The following GRAMD1B variants were observed in gnomAD, a reference collection of about 807,000 sequenced individuals.
The protein encoded by GRAMD1B is GRAM domain containing 1B.
Under a neutral mutation model 99.7 loss-of-function variants are expected in GRAMD1B, and 37 were observed. That is an observed-to-expected ratio of 0.37 (90% CI 0.29 to 0.49). The LOEUF (loss-of-function observed/expected upper bound fraction) is 0.49, where lower values mean the gene tolerates loss of function less well. Ranked by LOEUF, GRAMD1B falls within the 20% of genes least tolerant of loss-of-function variation. GRAMD1B has a pLI of 0.98. For synonymous variants in GRAMD1B, 427 were observed against 387.6 expected (o/e 1.10, Z -1.19); for missense variants, 888 against 1,009.2 (o/e 0.88, Z 1.63).
At chr11:123,482,241 G>A (rs2134859991) in intron 2 of GRAMD1B, among the ~76,000 whole-genome samples, 1 of 152,196 alleles carries the variant, frequency 6.6e-6, no homozygotes, top group East Asian at 1.9e-4. Flanking sequence ...TGGGATTACA[G>A]GCAAGTGCTA....
intron 2 of GRAMD1B, among the ~76,000 whole-genome samples, chr11:123,562,998 C>T (rs954925739): frequency 1.3e-5 from 2 of 152,244 alleles, no homozygotes; most frequent in Admixed American, 1.3e-4. Flanking sequence ...AGTATTACAA[C>T]TCTGTCTGGG....
chr11:123,364,932 T>C (rs762275208), intron 1 of GRAMD1B, among the ~76,000 whole-genome samples: 14 of 152,218 alleles, frequency 9.2e-5, no homozygotes, highest in Non-Finnish European at 1.6e-4. Flanking sequence ...GAGAATGGCA[T>C]GGTTAACCCT....
chr11:123,511,854 C>T lies in GRAMD1B; in HGVS notation c.452+30961C>T, dbSNP rs143675694. Among the ~76,000 whole-genome samples, 339 of 152,344 alleles carry T rather than the reference C, an allele frequency of 2.2e-3. 2 individuals carry two copies. The highest frequency in any genetic ancestry group is 7.9e-3 in the African/African-American group (327 of 41,576). ...GGGAATCATAGAACTTGGTTTTCTG[C>T]TCCTCCCAGCCCTACAGGCTGTGTG... On this transcript the variant is annotated intron_variant, in intron 2 of 19. Transcript: ENST00000635736.
rs943869053 is a variant in GRAMD1B at position 123,610,684 on chromosome 11, T to C, written c.1919+346T>C. On this transcript the variant is annotated intron_variant, in intron 14 of 19. Coordinates refer to ENST00000635736, the MANE Select transcript of GRAMD1B (RefSeq NM_001387025.1). The surrounding 1 kb of genome is among the most constrained non-coding windows in gnomAD (Gnocchi z 4.1). The stretch of plus-strand genomic sequence containing the variant: ...ATTTTTCAGATAAAACTGAGTCTCA[T>C]ATGAGTTCAGGAACTTTGCCAAGAG... Among the ~76,000 whole-genome samples the C allele has an allele frequency of 6.6e-6, 1 of 152,204 alleles. No individual in the cohort carries two copies. Among genetic ancestry groups the C allele is most frequent in the African/African-American group, 2.4e-5 (1 of 41,454 alleles).
intron 2 of GRAMD1B, among the ~76,000 whole-genome samples, chr11:123,548,859 A>G (rs182953973): frequency 2.0e-5 from 3 of 152,308 alleles, no homozygotes; most frequent in African/African-American, 7.2e-5. Flanking sequence ...TCCTCCTGCC[A>G]CGACCTTCCA....
chr11:123,458,008 G>A (rs939785991), intron 1 of GRAMD1B, among the ~76,000 whole-genome samples: 20 of 152,202 alleles, frequency 1.3e-4, no homozygotes, highest in Non-Finnish European at 2.9e-5. Context: ...AAGCCACCAT[G>A]CCTGGCTGCC....
At chr11:123,433,942 T>C (rs3016380) in intron 1 of GRAMD1B, among the ~76,000 whole-genome samples, 23,239 of 151,916 alleles carry the variant, frequency 0.15, 1,882 homozygotes, top group African/African-American at 0.2. Flanking sequence ...GAAGAACCTA[T>C]GTATCAGCCG....
intron 1 of GRAMD1B, among the ~76,000 whole-genome samples, chr11:123,419,918 C>T (rs1230463258): frequency 1.3e-5 from 2 of 152,024 alleles, no homozygotes; most frequent in Non-Finnish European, 1.5e-5. Context: ...GAATGGAACC[C>T]AGTGTCCTTG....
chr11:123,578,880 T>TG (rs1247380806), intron 3 of GRAMD1B, among the ~76,000 whole-genome samples: 1 of 152,116 alleles, frequency 6.6e-6, no homozygotes, highest in Non-Finnish European at 1.5e-5. Context: ...CTGCGCTGAC[T>TG]GGGGGGCAGG....
At chr11:123,451,189 G>A (rs577421429) in intron 1 of GRAMD1B, among the ~76,000 whole-genome samples, 3 of 152,148 alleles carry the variant, frequency 2.0e-5, no homozygotes, top group Non-Finnish European at 4.4e-5. Context: ...CCAGGCCATG[G>A]GCTCTCCCAC....
At chr11:123,386,935 C>T (rs1439097935) in intron 1 of GRAMD1B, among the ~76,000 whole-genome samples, 2 of 152,188 alleles carry the variant, frequency 1.3e-5, no homozygotes, top group Non-Finnish European at 2.9e-5. Flanking sequence ...TGACATCAGC[C>T]TCTGTCTTCA....
intron 1 of GRAMD1B, among the ~76,000 whole-genome samples, chr11:123,424,228 G>C (rs1466591641): frequency 1.3e-5 from 2 of 148,446 alleles, no homozygotes; most frequent in Non-Finnish European, 3.0e-5. Flanking sequence ...CTCAAATACA[G>C]GTTAGTAATG....
At chr11:123,539,733 A>G (rs1944319084) in intron 2 of GRAMD1B, among the ~76,000 whole-genome samples, 1 of 152,144 alleles carries the variant, frequency 6.6e-6, no homozygotes, top group Non-Finnish European at 1.5e-5. Flanking sequence ...CTCATCACTC[A>G]GTCCATTCTC....
intron 2 of GRAMD1B, among the ~76,000 whole-genome samples, chr11:123,486,735 A>C (rs1937842706): frequency 6.6e-6 from 1 of 152,234 alleles, no homozygotes; most frequent in Non-Finnish European, 1.5e-5. Context: ...AATATAATGT[A>C]ATAAATGACT....
At chr11:123,568,647 C>T (rs1947688578) in intron 2 of GRAMD1B, among the ~76,000 whole-genome samples, 1 of 152,202 alleles carries the variant, frequency 6.6e-6, no homozygotes, top group African/African-American at 2.4e-5. Flanking sequence ...AGCCCTTTCC[C>T]TTTCTGTCCC....
intron 2 of GRAMD1B, among the ~76,000 whole-genome samples, chr11:123,529,858 G>A (rs1234311697): frequency 6.6e-6 from 1 of 152,124 alleles, no homozygotes; most frequent in Non-Finnish European, 1.5e-5. Context: ...AGTGACATCT[G>A]TCTGAATTCC....
At chr11:123,477,981 T>G (rs560303746) in intron 1 of GRAMD1B, among the ~76,000 whole-genome samples, 10 of 152,056 alleles carry the variant, frequency 6.6e-5, no homozygotes, top group Non-Finnish European at 1.0e-4. Context: ...TTAGTAGAGA[T>G]GAGGTTTCAC....
chr11:123,524,081 C>T (rs1162527204), intron 2 of GRAMD1B, among the ~76,000 whole-genome samples: 5 of 152,070 alleles, frequency 3.3e-5, no homozygotes, highest in Admixed American at 3.3e-4. Flanking sequence ...TTCTGGACCA[C>T]GTGGACATTG....
In GRAMD1B at chr11:123,456,933, A is replaced by G. The variant is rs1031672231; in HGVS notation, c.375-23883A>G. On this transcript the variant is annotated intron_variant, in intron 1 of 19. Coordinates refer to ENST00000635736, the MANE Select transcript of GRAMD1B (RefSeq NM_001387025.1). ...AGACTCTGTCTCAAAAAAAAAAAAA[A>G]AAAAGAAAAAGAAAAGAAAGAAAGA... Among the ~76,000 whole-genome samples, 167 of 149,472 alleles carry G rather than the reference A, an allele frequency of 1.1e-3. 1 individual carries two copies. The highest frequency in any genetic ancestry group is 3.4e-3 in the African/African-American group (140 of 40,818).
Sources: gnomAD v4.1 joint callset for allele counts (sites outside exome capture counted in the v4.1 genomes callset) on GRCh38, gnomAD v4.1.1 for gene constraint, Gnocchi (gnomAD v3.1) non-coding constraint, MANE v1.5 for transcripts, NCBI Gene and HGNC (gene_info 2026-07-23, HGNC 2026-07-21) for gene names.